VPS13A: variants seen among roughly 807,000 people sequenced by gnomAD.
The protein encoded by VPS13A is vacuolar protein sorting 13 homolog A.
A neutral mutation model predicts 390.9 loss-of-function variants in VPS13A; 264 were observed. The observed-to-expected ratio is 0.68, with a 90% CI of 0.61 to 0.75. The LOEUF is 0.75. VPS13A is among the 30% of genes least tolerant of loss of function. The pLI is 0.00. For missense variants in VPS13A, 3,409 were observed against 3,733.9 expected (o/e 0.91, Z 2.27); for synonymous variants, 1,231 against 1,227.1 (o/e 1.00, Z -0.07).
At chr9:77,202,709 T>C (rs1825402205) in intron 3 of VPS13A, among the ~76,000 whole-genome samples, 1 of 152,170 alleles carries the variant, frequency 6.6e-6, no homozygotes, top group Non-Finnish European at 1.5e-5. Context: ...GTAGATAGAC[T>C]ATTTTCTTTA....
intron 1 of VPS13A, 77 bp downstream of exon 1, chr9:77,177,881 T>G (rs1823736298): frequency 7.4e-7 from 1 of 1,344,314 alleles, no homozygotes; most frequent in African/African-American, 1.4e-5. Context: ...CGTCCTGCGT[T>G]CTCGGGGCTT....
chr9:77,303,179 GA>G, intron 34 of VPS13A, 117 bp downstream of exon 34: 1 of 1,059,030 alleles, frequency 9.4e-7, no homozygotes, highest in Non-Finnish European at 1.4e-6. Flanking sequence ...GGTCAGAATT[GA>G]AATAGTGATT....
intron 11 of VPS13A, 34 bp from the exon 12 acceptor site, chr9:77,220,243 A>G: frequency 1.3e-6 from 2 of 1,573,934 alleles, no homozygotes; most frequent in Non-Finnish European, 1.7e-6. Flanking sequence ...AAAAAATGTG[A>G]TACATTTAAG....
At position 77,201,386 on chromosome 9, in the gene VPS13A, A is replaced by G. The variant is rs145306631; in HGVS notation, c.166A>G (p.Lys56Glu). Residue 56 changes from lysine to glutamate, a missense_variant, in exon 3 of 72, where the codon AAA becomes GAA. By Grantham distance (56) the Lys-to-Glu change is moderately conservative (BLOSUM62 1). Transcript: ENST00000360280. Reference protein sequence around the residue: ...NALSQLDVPFKVKVGHIGNLK... With the variant: ...NALSQLDVPFEVKVGHIGNLK... The stretch of plus-strand genomic sequence containing the variant: ...GTAGAGTCAACTGGATGTACCATTT[A>G]AAGTTAAAGTTGGTCACATAGGTAA... 3 of 1,610,034 alleles carry G rather than the reference A, an allele frequency of 1.9e-6. No homozygotes were observed. In the African/African-American group the frequency reaches 4.0e-5, roughly 22 times the overall value.
In VPS13A at chr9:77,282,186, T is replaced by C. The variant is rs1213723092; in HGVS notation, c.3030T>C (p.Leu1010=). ...TEALLNTINY[L]HNILPQSEEK... is the part of the protein sequence containing the mutation. ...CACTTCTGAATACAATAAATTATCTTCATAATATCCTTCCGCAATCAGAGG... is the reference window on the plus strand; with the variant it reads ...CACTTCTGAATACAATAAATTATCTCCATAATATCCTTCCGCAATCAGAGG... The change falls in exon 29 of 72, where the codon CTT becomes CTC. Residue 1010 remains leucine (L), a synonymous_variant. Transcript: ENST00000360280. 1 of 1,613,522 alleles carries C rather than the reference T, an allele frequency of 6.2e-7. No individual in the cohort carries two copies. The highest frequency in any genetic ancestry group is 8.5e-7 in the Non-Finnish European group (1 of 1,179,602).
At chr9:77,259,327 C>T (rs1455266928) in intron 22 of VPS13A, among the ~76,000 whole-genome samples, 1 of 151,980 alleles carries the variant, frequency 6.6e-6, no homozygotes, top group Non-Finnish European at 1.5e-5. Context: ...TTAAGAGAAC[C>T]GATTCATAAT....
At chr9:77,294,755 A>T (rs954942741) in intron 32 of VPS13A, among the ~76,000 whole-genome samples, 1 of 152,178 alleles carries the variant, frequency 6.6e-6, no homozygotes, top group Non-Finnish European at 1.5e-5. Context: ...CCCAGACTGG[A>T]GTGCAGTGGC....
At chr9:77,319,162 C>G (rs1352996570) in intron 41 of VPS13A, among the ~76,000 whole-genome samples, 1 of 147,670 alleles carries the variant, frequency 6.8e-6, no homozygotes, top group Admixed American at 6.9e-5. Flanking sequence ...TACCACTGCA[C>G]TCCAGCCTGG....
intron 31 of VPS13A, among the ~76,000 whole-genome samples, chr9:77,291,137 G>C (rs1489453707): frequency 6.6e-6 from 1 of 152,162 alleles, no homozygotes; most frequent in African/African-American, 2.4e-5. Context: ...TATTGCCTGA[G>C]CTCCGCCTCC....
At chr9:77,343,930 T>C (rs1412740876) in intron 50 of VPS13A, among the ~76,000 whole-genome samples, 2 of 152,158 alleles carry the variant, frequency 1.3e-5, no homozygotes, top group Non-Finnish European at 2.9e-5. Context: ...TTACCATAGC[T>C]CTTCAATTTG....
Position 77,247,258 on chromosome 9 carries a change from G to A in VPS13A, c.1901-1G>A. On this transcript the variant is annotated splice_acceptor_variant, in intron 19 of 71. Transcript: ENST00000360280. LOFTEE classifies it high-confidence loss of function. ...CATAGAAAAGATTTACATTTTTCCA[G>A]GTCTACTGTATATTATTGAAACACA... The A allele has an allele frequency of 1.9e-6, 3 of 1,576,606 alleles. No homozygotes were observed. The highest frequency in any genetic ancestry group is 2.6e-6 in the Non-Finnish European group (3 of 1,156,896).
chr9:77,384,431 A>G (rs936036889), intron 68 of VPS13A, among the ~76,000 whole-genome samples: 8 of 151,956 alleles, frequency 5.3e-5, no homozygotes, highest in Admixed American at 1.3e-4. Context: ...GTTATGGAAT[A>G]TTATATCCAT....
At chr9:77,209,401 A>C (rs191322820) in intron 5 of VPS13A, 22 bp from the exon 6 acceptor site, 5 of 1,529,326 alleles carry the variant, frequency 3.3e-6, no homozygotes, top group Non-Finnish European at 4.5e-6. Context: ...CAATTTTAAA[A>C]AAGGAATATT....
intron 26 of VPS13A, among the ~76,000 whole-genome samples, chr9:77,277,018 G>A (rs1407493740): frequency 6.6e-6 from 1 of 152,174 alleles, no homozygotes; most frequent in Non-Finnish European, 1.5e-5. Context: ...GCAGAGGGCA[G>A]TATTCTCCTT....
At chr9:77,265,597 A>C (rs1194683851) in intron 23 of VPS13A, among the ~76,000 whole-genome samples, 6 of 152,144 alleles carry the variant, frequency 3.9e-5, no homozygotes, top group Admixed American at 2.0e-4. Context: ...AGGTGTTTAT[A>C]GTATTCTCTG....
At chr9:77,222,105 A>G (rs1404718280) in intron 13 of VPS13A, among the ~76,000 whole-genome samples, 2 of 152,094 alleles carry the variant, frequency 1.3e-5, no homozygotes, top group Admixed American at 1.3e-4. Flanking sequence ...GTTAATGTAA[A>G]CATTCTGAAT....
intron 31 of VPS13A, among the ~76,000 whole-genome samples, chr9:77,284,336 GAAATAGAT>G (rs1827213063): frequency 6.6e-6 from 1 of 152,014 alleles, no homozygotes; most frequent in African/African-American, 2.4e-5. Context: ...GAGAAGAAAG[GAAATAGAT>G]AAATAGATTT....
At chr9:77,181,657 A>G (rs1205203369) in intron 1 of VPS13A, among the ~76,000 whole-genome samples, 2 of 152,194 alleles carry the variant, frequency 1.3e-5, no homozygotes, top group Non-Finnish European at 2.9e-5. Flanking sequence ...GCAAATTTCA[A>G]TATTAGCATG....
At chr9:77,372,876 C>G (rs1351698021) in intron 67 of VPS13A, among the ~76,000 whole-genome samples, 2 of 152,026 alleles carry the variant, frequency 1.3e-5, no homozygotes, top group African/African-American at 4.8e-5. Flanking sequence ...AAGTGAACTC[C>G]CATTCACAAT....
Sources: allele counts gnomAD v4.1 joint callset (sites outside exome capture counted in the v4.1 genomes callset), GRCh38; gene constraint gnomAD v4.1.1; transcripts MANE v1.5; gene names NCBI Gene and HGNC (gene_info 2026-07-23, HGNC 2026-07-21).